The following RANBP2 variants were observed in gnomAD, a reference collection of about 807,000 sequenced individuals.
RANBP2 encodes E3 SUMO-protein ligase RanBP2.
In RANBP2, 57 loss-of-function variants were observed where a neutral mutation model predicts 303.6. The observed-to-expected ratio is 0.19, with a 90% CI of 0.15 to 0.23. The LOEUF (loss-of-function observed/expected upper bound fraction) is 0.23. RANBP2 is among the 10% of genes least tolerant of loss of function. The pLI is 1.00. For synonymous variants in RANBP2, 1,167 were observed against 1,301.5 expected (o/e 0.90, Z 2.23); for missense variants, 3,138 against 3,780.8 (o/e 0.83, Z 4.46).
chr2:109,730,487 A>T, the RANBP2 span, among the ~76,000 whole-genome samples: 1 of 152,212 alleles, frequency 6.6e-6, no homozygotes, highest in African/African-American at 2.4e-5. Context: ...AAACTGGATG[A>T]CTTGTAAAAG....
the RANBP2 span, among the ~76,000 whole-genome samples, chr2:109,130,779 T>G: frequency 6.6e-6 from 1 of 152,162 alleles, no homozygotes; most frequent in Non-Finnish European, 1.5e-5. Context: ...ATTATTATTA[T>G]TTTTGGTACA....
chr2:109,709,218 A>C, the RANBP2 span, among the ~76,000 whole-genome samples: 1 of 151,208 alleles, frequency 6.6e-6, no homozygotes, highest in Non-Finnish European at 1.5e-5. Context: ...AGGCAGGAGA[A>C]TTGCTTGAAC....
the RANBP2 span, among the ~76,000 whole-genome samples, chr2:108,997,822 C>G: frequency 9.2e-5 from 14 of 151,990 alleles, no homozygotes; most frequent in Non-Finnish European, 2.1e-4. Flanking sequence ...ACTCGGAGGG[C>G]GGAGGTTGCA....
In RANBP2 at chr2:108,765,040, G is replaced by T; in HGVS notation, c.4501G>T (p.Ala1501Ser). The part of the protein sequence containing the change: ...QNEGSSTKCA[A>S]CQNPRKQSLP... ...TGAGGGGAGCTCTACAAAATGTGCT[G>T]CTTGTCAGAATCCGAGAAAACAGAG... is the stretch of plus-strand genomic sequence containing the variant. Residue 1501 changes from alanine (A) to serine (S), a missense_variant, in exon 20 of 29, where the codon GCT becomes TCT. Ala to Ser is a moderately conservative substitution (Grantham distance 99, BLOSUM62 1). Coordinates refer to ENST00000283195, the MANE Select transcript of RANBP2 (RefSeq NM_006267.5). 1 of 1,614,004 alleles carries T rather than the reference G, an allele frequency of 6.2e-7. No individual in the cohort carries two copies. The highest frequency in any genetic ancestry group is 8.5e-7 in the Non-Finnish European group (1 of 1,179,956).
chr2:109,137,524 C>T, the RANBP2 span, among the ~76,000 whole-genome samples: 1 of 152,226 alleles, frequency 6.6e-6, no homozygotes, highest in Non-Finnish European at 1.5e-5. Flanking sequence ...AGCACGTTTT[C>T]TGAAGATTCT....
At chr2:109,009,779 T>C in the RANBP2 span, among the ~76,000 whole-genome samples, 5 of 148,534 alleles carry the variant, frequency 3.4e-5, no homozygotes, top group Non-Finnish European at 7.4e-5. Context: ...AGTCTTGGGC[T>C]CAAGCCATTC....
chr2:109,316,410 C>G, the RANBP2 span, among the ~76,000 whole-genome samples: 1 of 152,202 alleles, frequency 6.6e-6, no homozygotes, highest in African/African-American at 2.4e-5. Flanking sequence ...CTCTGGCTTC[C>G]TGTCTATCAC....
At chr2:109,211,164 G>A in the RANBP2 span, among the ~76,000 whole-genome samples, 1 of 152,210 alleles carries the variant, frequency 6.6e-6, no homozygotes, top group South Asian at 2.1e-4. Flanking sequence ...TAAAGGAGAA[G>A]TGAGCCCTGC....
the RANBP2 span, among the ~76,000 whole-genome samples, chr2:108,848,096 C>G: frequency 2.6e-5 from 4 of 152,096 alleles, no homozygotes; most frequent in Non-Finnish European, 4.4e-5. Flanking sequence ...CACTAAAGAT[C>G]AAATAATATT....
At chr2:109,220,062 G>A in the RANBP2 span, among the ~76,000 whole-genome samples, 1 of 152,172 alleles carries the variant, frequency 6.6e-6, no homozygotes. Context: ...TATGTTATTA[G>A]CATAAGGGAT....
At chr2:108,781,540 T>C (rs1678259280) in intron 26 of RANBP2, 111 bp downstream of exon 26, 1 of 1,007,516 alleles carries the variant, frequency 9.9e-7, no homozygotes, top group Non-Finnish European at 1.5e-6. Flanking sequence ...TGTTTACTGT[T>C]TGAAATGGAA....
At chr2:109,258,671 T>A in the RANBP2 span, among the ~76,000 whole-genome samples, 3 of 152,238 alleles carry the variant, frequency 2.0e-5, no homozygotes, top group Non-Finnish European at 2.9e-5. Context: ...TCTAGGAGCC[T>A]GACTGTGTGG....
the RANBP2 span, among the ~76,000 whole-genome samples, chr2:109,351,092 T>C: frequency 2.0e-5 from 3 of 152,270 alleles, no homozygotes; most frequent in Admixed American, 6.5e-5. Context: ...GTAAAGCAGC[T>C]TTAAAAAGTG....
At chr2:109,337,202 T>C in the RANBP2 span, among the ~76,000 whole-genome samples, 3 of 152,154 alleles carry the variant, frequency 2.0e-5, no homozygotes, top group African/African-American at 4.8e-5. Flanking sequence ...GGCCACATGA[T>C]TTAAAGATTT....
At chr2:109,415,180 C>T in the RANBP2 span, among the ~76,000 whole-genome samples, 1 of 152,220 alleles carries the variant, frequency 6.6e-6, no homozygotes. Flanking sequence ...CCAGAGGGAA[C>T]ACAGCCCTGC....
chr2:108,846,736 A>T, the RANBP2 span: 5 of 1,597,372 alleles, frequency 3.1e-6, no homozygotes, highest in Non-Finnish European at 4.3e-6. Flanking sequence ...TATTTTTAAC[A>T]GCACTCGACT....
chr2:108,804,901 G>A, the RANBP2 span: 1 of 1,556,034 alleles, frequency 6.4e-7, no homozygotes, highest in Non-Finnish European at 8.6e-7. Context: ...GCATGATGCA[G>A]AAGTTGAACA....
At chr2:109,586,026 C>A in the RANBP2 span, among the ~76,000 whole-genome samples, 1 of 152,142 alleles carries the variant, frequency 6.6e-6, no homozygotes, top group Admixed American at 6.5e-5. Flanking sequence ...ATCCTCAAAA[C>A]ATACATTTCT....
chr2:109,667,116 T>C, the RANBP2 span: 7 of 1,117,242 alleles, frequency 6.3e-6, no homozygotes, highest in Admixed American at 4.2e-5. Context: ...CCAGTTTTTG[T>C]TTTATTTTAC....
Sources: allele counts gnomAD v4.1 joint callset (sites outside exome capture counted in the v4.1 genomes callset), GRCh38; gene constraint gnomAD v4.1.1; transcripts MANE v1.5; gene names NCBI Gene and HGNC (gene_info 2026-07-23, HGNC 2026-07-21).